ACTR3C: variants seen among roughly 807,000 people sequenced by gnomAD.
ACTR3C encodes actin related protein 3C.
In ACTR3C, 18 loss-of-function variants were observed where a neutral mutation model predicts 26.3. The observed-to-expected ratio is 0.68, with a 90% CI of 0.47 to 1.01. ACTR3C has a LOEUF of 1.01. Ranked by LOEUF, ACTR3C falls within the 50% of genes least tolerant of loss-of-function variation. The pLI is 0.00. For synonymous variants in ACTR3C, 55 were observed against 94.5 expected, an observed-to-expected ratio of 0.58 and a Z score of 2.42; for missense variants, 184 against 250.7, an observed-to-expected ratio of 0.73 and a Z score of 1.80.
intron 1 of ACTR3C, among the ~76,000 whole-genome samples, chr7:150,310,920 T>G (rs916292175): frequency 6.6e-6 from 1 of 152,072 alleles, no homozygotes; most frequent in Non-Finnish European, 1.5e-5. Flanking sequence ...TCAAATGTCT[T>G]CCCCTAGTGT....
the ACTR3C span, among the ~76,000 whole-genome samples, chr7:149,995,468 C>T: frequency 0.65 from 95,196 of 146,502 alleles, 27,178 homozygotes; most frequent in East Asian, 0.81. Context: ...TACTGAGCTC[C>T]AGGCTCTAGC....
chr7:149,966,422 T>A, the ACTR3C span, among the ~76,000 whole-genome samples: 1 of 152,226 alleles, frequency 6.6e-6, no homozygotes, highest in Non-Finnish European at 1.5e-5. Flanking sequence ...CCTCATGGCA[T>A]CCAGCACTCA....
chr7:150,051,617 G>C, the ACTR3C span, among the ~76,000 whole-genome samples: 7 of 134,834 alleles, frequency 5.2e-5, no homozygotes, highest in African/African-American at 1.9e-4. Flanking sequence ...TTAATGTCGA[G>C]TTTAATTCTT....
the ACTR3C span, among the ~76,000 whole-genome samples, chr7:150,197,454 G>T: frequency 6.6e-6 from 1 of 152,180 alleles, no homozygotes; most frequent in African/African-American, 2.4e-5. Flanking sequence ...TGGATTACTT[G>T]GTTGTCCTGC....
At chr7:149,954,053 C>G in the ACTR3C span, among the ~76,000 whole-genome samples, 1 of 142,504 alleles carries the variant, frequency 7.0e-6, no homozygotes, top group Non-Finnish European at 1.5e-5. Flanking sequence ...TTTCCCCATA[C>G]GCTGAAGTTT....
the ACTR3C span, among the ~76,000 whole-genome samples, chr7:150,204,209 A>G: frequency 6.9e-6 from 1 of 144,814 alleles, no homozygotes; most frequent in Non-Finnish European, 1.5e-5. Flanking sequence ...TCCTTCAAGC[A>G]TAAGCAATGC....
chr7:150,046,764 C>T, the ACTR3C span, among the ~76,000 whole-genome samples: 3 of 145,012 alleles, frequency 2.1e-5, no homozygotes, highest in African/African-American at 5.2e-5. Context: ...GGTGGTTAAA[C>T]GCATCCATCT....
chr7:150,182,462 C>T, the ACTR3C span, among the ~76,000 whole-genome samples: 1 of 150,776 alleles, frequency 6.6e-6, no homozygotes, highest in African/African-American at 2.5e-5. Context: ...TTTGTATCCA[C>T]TTTATACCAT....
chr7:149,974,930 A>G, the ACTR3C span, among the ~76,000 whole-genome samples: 1 of 152,224 alleles, frequency 6.6e-6, no homozygotes, highest in Admixed American at 6.5e-5. Context: ...AATATATATT[A>G]TAGTTGAACT....
the ACTR3C span, among the ~76,000 whole-genome samples, chr7:150,219,217 C>T: frequency 0.015 from 2,089 of 136,404 alleles, 63 homozygotes; most frequent in African/African-American, 0.072. Context: ...CCCCAAACCC[C>T]AACAAGTAGA....
the ACTR3C span, among the ~76,000 whole-genome samples, chr7:150,038,054 T>C: frequency 1.1e-4 from 14 of 121,826 alleles, 3 homozygotes; most frequent in Non-Finnish European, 2.5e-4. Context: ...GGAAGAGGGG[T>C]TGGCTCTGAG....
the ACTR3C span, among the ~76,000 whole-genome samples, chr7:150,036,552 T>C: frequency 6.9e-6 from 1 of 144,168 alleles, no homozygotes; most frequent in East Asian, 2.0e-4. Flanking sequence ...AAGTTCCGGG[T>C]CCCCGACCCC....
At chr7:150,180,511 CTTT>C in the ACTR3C span, among the ~76,000 whole-genome samples, 1 of 125,758 alleles carries the variant, frequency 8.0e-6, no homozygotes, top group Non-Finnish European at 1.6e-5. Flanking sequence ...AGTAGTATAT[CTTT>C]TTTTTTTTTT....
chr7:150,233,770 AGT>A, the ACTR3C span, among the ~76,000 whole-genome samples: 1 of 98,262 alleles, frequency 1.0e-5, no homozygotes, highest in African/African-American at 8.1e-5. Context: ...AATCTAAAAC[AGT>A]TATTTTAAAT....
chr7:150,152,861 G>A, the ACTR3C span, among the ~76,000 whole-genome samples: 1 of 152,146 alleles, frequency 6.6e-6, no homozygotes. Context: ...TCCTGGTTTA[G>A]TCTTGGGAGG....
At chr7:150,066,292 A>G in the ACTR3C span, among the ~76,000 whole-genome samples, 1 of 152,338 alleles carries the variant, frequency 6.6e-6, no homozygotes, top group South Asian at 2.1e-4. Flanking sequence ...ATCCACAGCG[A>G]TGAGCATCAG....
At chr7:150,028,782 A>AT in the ACTR3C span, among the ~76,000 whole-genome samples, 1 of 152,392 alleles carries the variant, frequency 6.6e-6, no homozygotes, top group African/African-American at 2.4e-5. Flanking sequence ...TGCTCCTGCC[A>AT]AAGCCACCCT....
chr7:149,990,104 T>G, the ACTR3C span, among the ~76,000 whole-genome samples: 1 of 152,032 alleles, frequency 6.6e-6, no homozygotes, highest in East Asian at 1.9e-4. Flanking sequence ...TCCTCCAGCC[T>G]TTCAGCCTCT....
chr7:150,073,898 G>A, the ACTR3C span: 4 of 152,308 alleles, frequency 2.6e-5, no homozygotes, highest in Middle Eastern at 3.4e-3. Flanking sequence ...TTTTATAGCA[G>A]TTTTATGCTA....
Sources: allele counts gnomAD v4.1 joint callset (sites outside exome capture counted in the v4.1 genomes callset), GRCh38; gene constraint gnomAD v4.1.1; transcripts MANE v1.5; gene names NCBI Gene and HGNC (gene_info 2026-07-23, HGNC 2026-07-21).